The following EMCN variants were observed in gnomAD, a reference collection of about 807,000 sequenced individuals.
The protein encoded by EMCN is endomucin.
A neutral mutation model predicts 38.4 loss-of-function variants in EMCN; 37 were observed. The ratio of observed to expected loss-of-function variants is 0.96; its 90% confidence interval spans 0.74 to 1.27. The LOEUF is 1.27. EMCN is among the 50% of genes most tolerant of loss of function. EMCN has a pLI of 0.00. For synonymous variants in EMCN, 95 were observed against 100.8 expected (o/e 0.94, Z 0.35); for missense variants, 318 against 302.8 (o/e 1.05, Z -0.37).
At position 100,412,449 on chromosome 4, in the gene EMCN, T is replaced by C. The variant is rs954479973; in HGVS notation, c.752-2094A>G. 3.9e-5 allele frequency among the ~76,000 whole-genome samples: 6 copies of C among 152,194 alleles called. 1 individual carries two copies. The South Asian group carries it at 8.3e-4, about 21-fold the overall frequency. ...GTGATGCAATGTTTTTCTTCTTCCA[T>C]AGAGTCATATATTTCTAATTTCAAG... On this transcript the variant is annotated intron_variant, in intron 10 of 11. Transcript: ENST00000296420.
chr4:100,423,006 A>G lies in EMCN; in HGVS notation c.568+15T>C. ...CATATCTACTGCCATGAATGAAGGC[A>G]TTGCTGTTACTCACTGGAATAAGAC... is the stretch of plus-strand genomic sequence containing the variant. On this transcript the variant is annotated intron_variant, in intron 7 of 11. Transcript: ENST00000296420. 2 of 1,612,046 alleles carry G rather than the reference A, an allele frequency of 1.2e-6. No individual in the cohort carries two copies. The highest frequency in any genetic ancestry group is 2.2e-5 in the East Asian group (1 of 44,794).
At chr4:100,403,027 T>C (rs1002053521) in intron 11 of EMCN, among the ~76,000 whole-genome samples, 3 of 152,166 alleles carry the variant, frequency 2.0e-5, no homozygotes, top group Non-Finnish European at 2.9e-5. Flanking sequence ...ACTTTGCACC[T>C]GAAAGTGTCC....
rs1407991906 is a variant in EMCN at position 100,395,421 on chromosome 4, G to T, written c.*2992C>A. On this transcript the variant is annotated 3_prime_UTR_variant, in exon 12 of 12. Transcript: ENST00000296420. The stretch of plus-strand genomic sequence containing the variant: ...GTGTGCAGAGAAATTTTAAAGAAAA[G>T]ATCAGGGGATAATCCATCCATTAAG... The T allele has an allele frequency of 6.6e-6, 1 of 152,076 alleles. No homozygotes were observed. The highest frequency in any genetic ancestry group is 1.5e-5 in the Non-Finnish European group (1 of 67,990). The allele number at this position is 152,076 out of a possible 1,614,324, so 9.4% of individuals were successfully genotyped here. A position where few individuals can be genotyped will look rare whatever the true frequency, so the allele number is the denominator to read the frequency against.
intron 11 of EMCN, among the ~76,000 whole-genome samples, chr4:100,409,254 G>A (rs1207930660): frequency 5.9e-5 from 9 of 151,980 alleles, no homozygotes; most frequent in African/African-American, 7.2e-5. Flanking sequence ...GTTAGTTGCC[G>A]AAAGGTAGAT....
At chr4:100,432,404 A>G (rs1175860854) in intron 5 of EMCN, among the ~76,000 whole-genome samples, 4 of 152,146 alleles carry the variant, frequency 2.6e-5, no homozygotes, top group Admixed American at 6.6e-5. Flanking sequence ...CTACATGACT[A>G]CTAGAATTAT....
intron 2 of EMCN, among the ~76,000 whole-genome samples, chr4:100,475,659 CTTTTTTTTTTTTTTTTTT>C (rs869169290): frequency 5.0e-5 from 3 of 60,314 alleles, no homozygotes; most frequent in South Asian, 5.8e-4. Flanking sequence ...AATTCTAGTC[CTTTTTTTTTTTTTTTTTT>C]TTTTTTTTTT....
chr4:100,419,908 T>A (rs1329314411), intron 8 of EMCN, among the ~76,000 whole-genome samples: 1 of 152,080 alleles, frequency 6.6e-6, no homozygotes, highest in Non-Finnish European at 1.5e-5. Flanking sequence ...ATGCAATGCA[T>A]GGTGAGCAGG....
At chr4:100,400,547 C>T (rs140829027) in intron 11 of EMCN, among the ~76,000 whole-genome samples, 5 of 152,228 alleles carry the variant, frequency 3.3e-5, no homozygotes, top group African/African-American at 1.2e-4. Context: ...TCCTTGAGAA[C>T]TGCAACCATG....
chr4:100,507,334 G>C (rs1267265026), intron 1 of EMCN, among the ~76,000 whole-genome samples: 1 of 152,124 alleles, frequency 6.6e-6, no homozygotes, highest in Non-Finnish European at 1.5e-5. Context: ...AACCAAATCT[G>C]TCCTTGGCCA....
At chr4:100,467,676 C>T (rs992092450) in intron 3 of EMCN, among the ~76,000 whole-genome samples, 1 of 112,896 alleles carries the variant, frequency 8.9e-6, no homozygotes, top group Non-Finnish European at 1.9e-5. Flanking sequence ...AGTGAGACTC[C>T]GTCTCAAAAA....
chr4:100,426,161 C>A (rs897650368), intron 5 of EMCN, among the ~76,000 whole-genome samples: 1 of 152,082 alleles, frequency 6.6e-6, no homozygotes, highest in South Asian at 2.1e-4. Flanking sequence ...CTATCAATGT[C>A]CCAAGGCACC....
intron 11 of EMCN, among the ~76,000 whole-genome samples, chr4:100,401,319 TAAC>T (rs1164278118): frequency 6.6e-6 from 1 of 152,168 alleles, no homozygotes; most frequent in Non-Finnish European, 1.5e-5. Context: ...AAATATAGTA[TAAC>T]AACTATTTAT....
intron 5 of EMCN, 38 bp downstream of exon 5, chr4:100,447,495 G>A (rs1727708408): frequency 1.4e-6 from 2 of 1,480,698 alleles, no homozygotes; most frequent in African/African-American, 2.8e-5. Flanking sequence ...TTTTACCCAT[G>A]AAAATACTAA....
At chr4:100,405,713 A>G (rs934158885) in intron 11 of EMCN, among the ~76,000 whole-genome samples, 9 of 151,960 alleles carry the variant, frequency 5.9e-5, no homozygotes, top group African/African-American at 2.2e-4. Flanking sequence ...TGCAGGTTTC[A>G]TGATATCAGT....
At chr4:100,410,135 T>G (rs1726510915) in intron 11 of EMCN, 147 bp downstream of exon 11, 1 of 629,208 alleles carries the variant, frequency 1.6e-6, no homozygotes, top group African/African-American at 1.9e-5. Context: ...TTAGAGTTTG[T>G]TTTTAGACAA....
intron 1 of EMCN, among the ~76,000 whole-genome samples, chr4:100,505,506 G>A (rs975230015): frequency 1.6e-4 from 25 of 152,100 alleles, no homozygotes; most frequent in African/African-American, 6.0e-4. Context: ...GGAAGCTCTC[G>A]GTTAACAAGG....
At chr4:100,440,429 C>T (rs1342035903) in intron 5 of EMCN, among the ~76,000 whole-genome samples, 1 of 152,014 alleles carries the variant, frequency 6.6e-6, no homozygotes, top group East Asian at 1.9e-4. Context: ...TTTATTATAT[C>T]ATTCTGTATG....
intron 5 of EMCN, among the ~76,000 whole-genome samples, chr4:100,443,375 G>GGC (rs1344530834): frequency 1.4e-4 from 21 of 152,174 alleles, no homozygotes; most frequent in Admixed American, 1.4e-3. Context: ...AGTTGGGCAG[G>GGC]GCGCCTCTGG....
chr4:100,461,326 T>C (rs1184960582), intron 4 of EMCN, among the ~76,000 whole-genome samples: 2 of 152,178 alleles, frequency 1.3e-5, no homozygotes, highest in Non-Finnish European at 2.9e-5. Flanking sequence ...TTTTTTTTAC[T>C]GTTTTATTAT....
Sources: gnomAD v4.1 joint callset for allele counts (sites outside exome capture counted in the v4.1 genomes callset) on GRCh38, gnomAD v4.1.1 for gene constraint, MANE v1.5 for transcripts, NCBI Gene and HGNC (gene_info 2026-07-23, HGNC 2026-07-21) for gene names.